Variants in FRMD6 observed in about 807,000 individuals in gnomAD.
The protein encoded by FRMD6 is FERM domain-containing protein 6.
In FRMD6, 37 loss-of-function variants were observed where a neutral mutation model predicts 73.2. The ratio of observed to expected loss-of-function variants is 0.51; its 90% confidence interval spans 0.39 to 0.66. The LOEUF (loss-of-function observed/expected upper bound fraction) is 0.66, where lower values mean the gene tolerates loss of function less well. FRMD6 is among the 30% of genes least tolerant of loss of function. FRMD6 has a pLI of 0.00. For missense variants in FRMD6, 714 were observed against 780.5 expected (o/e 0.91, Z 1.02); for synonymous variants, 273 against 282.2 (o/e 0.97, Z 0.33).
chr14:51,624,290 G>A (rs561050863), intron 2 of FRMD6, among the ~76,000 whole-genome samples: 1 of 152,226 alleles, frequency 6.6e-6, no homozygotes, highest in Admixed American at 6.5e-5. Context: ...TCCAGCACAT[G>A]TACCCCTGAA....
chr14:51,476,279 G>C, the FRMD6 span, among the ~76,000 whole-genome samples: 1 of 152,176 alleles, frequency 6.6e-6, no homozygotes, highest in Admixed American at 6.5e-5. Flanking sequence ...AGGGGCCAAC[G>C]CATGCTGGGA....
chr14:51,673,144 A>G (rs1473936607), intron 1 of FRMD6, among the ~76,000 whole-genome samples: 4 of 152,160 alleles, frequency 2.6e-5, no homozygotes, highest in Non-Finnish European at 2.9e-5. Flanking sequence ...ATCTGATGCC[A>G]TAAATATTAT....
At chr14:51,531,348 A>C (rs1051040435) in intron 1 of FRMD6, among the ~76,000 whole-genome samples, 5 of 152,240 alleles carry the variant, frequency 3.3e-5, no homozygotes, top group Non-Finnish European at 5.9e-5. Context: ...AATCACGAGA[A>C]AATGTCAAAC....
chr14:51,709,919 C>G (rs1327291739), intron 7 of FRMD6, among the ~76,000 whole-genome samples: 1 of 152,032 alleles, frequency 6.6e-6, no homozygotes, highest in Non-Finnish European at 1.5e-5. Context: ...GGGGATGATA[C>G]AATATGCTTC....
intron 2 of FRMD6, chr14:51,576,300 A>G (rs1173343653): frequency 2.6e-5 from 4 of 152,198 alleles, no homozygotes; most frequent in Admixed American, 2.6e-4. Flanking sequence ...TGGTGGGAAC[A>G]GGGAATTGAA....
intron 2 of FRMD6, among the ~76,000 whole-genome samples, chr14:51,595,483 A>G (rs1419744993): frequency 6.6e-6 from 1 of 152,240 alleles, no homozygotes; most frequent in African/African-American, 2.4e-5. Context: ...CAGGGCAGAC[A>G]GGGATATGAA....
At chr14:51,691,587 GA>G (rs1566568956) in intron 2 of FRMD6, among the ~76,000 whole-genome samples, 2 of 90,576 alleles carry the variant, frequency 2.2e-5, no homozygotes, top group African/African-American at 3.6e-5. Flanking sequence ...TTTTGATTTT[GA>G]TTTTTTTTTT....
chr14:51,441,620 T>C, the FRMD6 span, among the ~76,000 whole-genome samples: 1 of 152,194 alleles, frequency 6.6e-6, no homozygotes, highest in African/African-American at 2.4e-5. Flanking sequence ...GTGTCTCAAA[T>C]CTGTGAAAGA....
In FRMD6 at chr14:51,517,992, G is replaced by A. The variant is rs111429226; in HGVS notation, c.-210+28572G>A. The stretch of plus-strand genomic sequence containing the variant: ...TAGTCTCAGCAAAGGAGTTCCTCTC[G>A]GACAAGTATAACATACAAACAATTA... On this transcript the variant is annotated intron_variant, in intron 1 of 14. Coordinates refer to the FRMD6 transcript ENST00000356218. 4.4e-3 allele frequency among the ~76,000 whole-genome samples: 674 copies of A among 152,132 alleles called. 2 individuals carry two copies. Among genetic ancestry groups the A allele is most frequent in the African/African-American group, 0.016 (649 of 41,474 alleles).
At chr14:51,726,929 T>C (rs1897990146) in intron 13 of FRMD6, among the ~76,000 whole-genome samples, 2 of 152,216 alleles carry the variant, frequency 1.3e-5, no homozygotes, top group Non-Finnish European at 2.9e-5. Context: ...TTTAAAGATA[T>C]AATACCTGGT....
chr14:51,672,927 A>G (rs1894117462), intron 1 of FRMD6, among the ~76,000 whole-genome samples: 1 of 152,106 alleles, frequency 6.6e-6, no homozygotes, highest in Non-Finnish European at 1.5e-5. Context: ...TTACTTGGGC[A>G]TTAAAGAGTT....
intron 2 of FRMD6, among the ~76,000 whole-genome samples, chr14:51,573,240 G>A (rs1001364239): frequency 1.6e-4 from 24 of 152,160 alleles, no homozygotes; most frequent in African/African-American, 5.6e-4. Flanking sequence ...GCTTTCAAAT[G>A]CCCTTGCTGG....
At chr14:51,593,525 A>C (rs2139748624) in intron 2 of FRMD6, among the ~76,000 whole-genome samples, 1 of 152,352 alleles carries the variant, frequency 6.6e-6, no homozygotes, top group South Asian at 2.1e-4. Context: ...TTGTACCAGC[A>C]GACAGTTGGC....
the FRMD6 span, among the ~76,000 whole-genome samples, chr14:51,466,968 C>CTT: frequency 4.0e-4 from 59 of 147,180 alleles, 2 homozygotes; most frequent in African/African-American, 1.2e-3. Flanking sequence ...AGATTTATTC[C>CTT]TTTTTTTTTT....
chr14:51,646,694 G>C (rs143259737), intron 2 of FRMD6, among the ~76,000 whole-genome samples: 6 of 150,786 alleles, frequency 4.0e-5, no homozygotes, highest in Non-Finnish European at 5.9e-5. Flanking sequence ...TCCACCCTTT[G>C]TCCTGCCCTT....
At chr14:51,587,579 G>C (rs1889124946) in intron 2 of FRMD6, among the ~76,000 whole-genome samples, 1 of 152,142 alleles carries the variant, frequency 6.6e-6, no homozygotes, top group African/African-American at 2.4e-5. Flanking sequence ...ATTTGTGTGT[G>C]CTTGATATCT....
chr14:51,530,206 A>T (rs1885500718), intron 1 of FRMD6, among the ~76,000 whole-genome samples: 1 of 152,174 alleles, frequency 6.6e-6, no homozygotes, highest in African/African-American at 2.4e-5. Flanking sequence ...ACTCACATCG[A>T]TTCTGTCTGT....
chr14:51,432,385 C>G, the FRMD6 span, among the ~76,000 whole-genome samples: 4 of 152,068 alleles, frequency 2.6e-5, no homozygotes. Flanking sequence ...AACTGAAACT[C>G]AGGAAAATTC....
chr14:51,422,410 A>C, the FRMD6 span, among the ~76,000 whole-genome samples: 1 of 152,218 alleles, frequency 6.6e-6, no homozygotes, highest in Non-Finnish European at 1.5e-5. Flanking sequence ...AAACTAATTT[A>C]TTGAAAATTC....
Sources: gnomAD v4.1 joint callset for allele counts (sites outside exome capture counted in the v4.1 genomes callset) on GRCh38, gnomAD v4.1.1 for gene constraint, MANE v1.5 for transcripts, NCBI Gene and HGNC (gene_info 2026-07-23, HGNC 2026-07-21) for gene names.